Variants in INSL6 observed in about 807,000 individuals in gnomAD.
INSL6 encodes the protein insulin-like peptide INSL6.
INSL6 carries 16 observed loss-of-function variants against 9.4 expected under a neutral mutation model. The observed-to-expected ratio is 1.70, with a 90% CI of 1.15 to 2.59. The LOEUF (loss-of-function observed/expected upper bound fraction) is 2.59, where lower values mean the gene tolerates loss of function less well. Among genes scored for constraint, INSL6 ranks in the 30% most tolerant of loss-of-function variants. The probability of loss-of-function intolerance (pLI) is 0.00; values close to 1 mark genes in which losing one functional copy is unlikely to be tolerated. For missense variants in INSL6, 391 were observed against 257.3 expected (o/e 1.52, Z -3.56); for synonymous variants, 154 against 96.9 (o/e 1.59, Z -3.46).
the INSL6 span, chr9:5,073,854 G>A: frequency 1.9e-6 from 2 of 1,036,188 alleles, no homozygotes; most frequent in Non-Finnish European, 2.9e-6. Context: ...AGAAAATTCA[G>A]TTTCAGGATC....
At chr9:5,045,306 T>G in the INSL6 span, among the ~76,000 whole-genome samples, 1 of 152,172 alleles carries the variant, frequency 6.6e-6, no homozygotes, top group East Asian at 1.9e-4. Flanking sequence ...TGGCTCGCAT[T>G]TCTGAGAGGA....
chr9:5,167,044 A>G (rs958396486), intron 1 of INSL6, among the ~76,000 whole-genome samples: 4 of 152,038 alleles, frequency 2.6e-5, no homozygotes, highest in African/African-American at 9.7e-5. Flanking sequence ...TGCATCTTCA[A>G]TTGAGTTACC....
At chr9:5,109,586 C>T in the INSL6 span, 1 of 152,256 alleles carries the variant, frequency 6.6e-6, no homozygotes, top group South Asian at 2.1e-4. Flanking sequence ...AAGATTCATA[C>T]CCAAATTACA....
intron 1 of INSL6, among the ~76,000 whole-genome samples, chr9:5,176,187 T>C (rs1564055380): frequency 6.6e-6 from 1 of 152,178 alleles, no homozygotes; most frequent in Non-Finnish European, 1.5e-5. Flanking sequence ...TGCTCCACTA[T>C]TTCCTCTGCA....
the INSL6 span, chr9:5,111,616 T>C: frequency 2.7e-6 from 1 of 372,886 alleles, no homozygotes; most frequent in Admixed American, 3.7e-5. Flanking sequence ...AGGTGGGCTT[T>C]GGCCCCATGC....
the INSL6 span, among the ~76,000 whole-genome samples, chr9:5,018,878 T>C: frequency 6.6e-6 from 1 of 152,252 alleles, no homozygotes; most frequent in Admixed American, 6.5e-5. Context: ...AGAAATCTGC[T>C]GTTAGTCTGA....
At chr9:5,037,289 G>A in the INSL6 span, among the ~76,000 whole-genome samples, 1 of 152,148 alleles carries the variant, frequency 6.6e-6, no homozygotes, top group African/African-American at 2.4e-5. Context: ...CATTGTGGAA[G>A]TCAGTGTGGC....
At chr9:5,139,492 T>G (rs1215644642) in intron 2 of INSL6, among the ~76,000 whole-genome samples, 1 of 152,130 alleles carries the variant, frequency 6.6e-6, no homozygotes, top group Admixed American at 6.6e-5. Context: ...GAGTATTGGG[T>G]GAAAATAAAA....
At chr9:5,106,937 G>A in the INSL6 span, among the ~76,000 whole-genome samples, 1 of 152,246 alleles carries the variant, frequency 6.6e-6, no homozygotes, top group African/African-American at 2.4e-5. Context: ...TGTAAATGAC[G>A]AGTTAATGGG....
chr9:5,129,211 G>T (rs916252682), intron 3 of INSL6, among the ~76,000 whole-genome samples: 3 of 152,028 alleles, frequency 2.0e-5, no homozygotes, highest in African/African-American at 7.2e-5. Flanking sequence ...GTGGCATTAT[G>T]TGCTCACTTT....
chr9:5,068,579 T>A, the INSL6 span, among the ~76,000 whole-genome samples: 1 of 152,190 alleles, frequency 6.6e-6, no homozygotes, highest in Non-Finnish European at 1.5e-5. Flanking sequence ...TATCAAGGCA[T>A]GAAGCAGCAT....
At chr9:5,141,870 T>C (rs546350246) in intron 2 of INSL6, among the ~76,000 whole-genome samples, 2 of 152,362 alleles carry the variant, frequency 1.3e-5, no homozygotes, top group South Asian at 4.1e-4. Context: ...TTTAAGTATT[T>C]AATCCATTTT....
At chr9:5,085,648 T>C in the INSL6 span, 1 of 723,720 alleles carries the variant, frequency 1.4e-6, no homozygotes, top group Non-Finnish European at 2.6e-6. Context: ...ACCCCAGATC[T>C]TGTGTGTTTT....
chr9:5,133,645 C>G (rs1023263009), intron 2 of INSL6: 2 of 151,970 alleles, frequency 1.3e-5, no homozygotes, highest in East Asian at 3.9e-4. Flanking sequence ...CAGAAAGGAA[C>G]AGTATCAACA....
intron 3 of INSL6, among the ~76,000 whole-genome samples, chr9:5,124,816 T>A (rs910324083): frequency 1.1e-4 from 16 of 151,596 alleles, no homozygotes; most frequent in African/African-American, 2.7e-4. Flanking sequence ...AGTTTTTTTT[T>A]AACATGAGAA....
At chr9:5,061,338 C>G in the INSL6 span, among the ~76,000 whole-genome samples, 1 of 152,226 alleles carries the variant, frequency 6.6e-6, no homozygotes, top group African/African-American at 2.4e-5. Context: ...ATTCTTCCAA[C>G]AGAAGGCTGT....
intron 3 of INSL6, chr9:5,128,031 A>G (rs1358747497): frequency 4.3e-6 from 1 of 231,842 alleles, no homozygotes; most frequent in Non-Finnish European, 8.5e-6. Context: ...CATTTGTTAT[A>G]GTGCTACTCC....
At chr9:5,111,719 C>T in the INSL6 span, 2 of 433,442 alleles carry the variant, frequency 4.6e-6, no homozygotes, top group Admixed American at 5.1e-5. Flanking sequence ...CCTGCACCAG[C>T]ACGAGCGCGT....
At chr9:5,007,874 C>G in the INSL6 span, among the ~76,000 whole-genome samples, 11 of 151,866 alleles carry the variant, frequency 7.2e-5, no homozygotes, top group Admixed American at 7.2e-4. Context: ...ATTACAGGCA[C>G]GTGCCACCAC....
Sources: allele counts gnomAD v4.1 joint callset (sites outside exome capture counted in the v4.1 genomes callset), GRCh38; gene constraint gnomAD v4.1.1; transcripts MANE v1.5; gene names NCBI Gene and HGNC (gene_info 2026-07-23, HGNC 2026-07-21).